Variants in FBXO27 observed in about 807,000 individuals in gnomAD.
The protein encoded by FBXO27 is F-box only protein 27.
FBXO27 carries 28 observed loss-of-function variants against 28.3 expected under a neutral mutation model. The observed-to-expected ratio is 0.99, with a 90% CI of 0.73 to 1.36. FBXO27 has a LOEUF of 1.36. Ranked by LOEUF, FBXO27 falls within the 40% of genes most tolerant of loss-of-function variation. FBXO27 has a pLI of 0.00. For synonymous variants in FBXO27, 175 were observed against 167.3 expected, an observed-to-expected ratio of 1.05 and a Z score of -0.36; for missense variants, 388 against 394.1, an observed-to-expected ratio of 0.98 and a Z score of 0.13.
chr19:39,028,308 T>C (rs548888519), intron 4 of FBXO27, among the ~76,000 whole-genome samples: 12 of 152,304 alleles, frequency 7.9e-5, no homozygotes, highest in Middle Eastern at 3.4e-3. Flanking sequence ...GAATGGTGCC[T>C]GGGCATTTTA....
chr19:39,030,869 A>G lies in FBXO27; in HGVS notation c.572+160T>C, dbSNP rs192649840. On this transcript the variant is annotated intron_variant, in intron 4 of 5. Coordinates refer to ENST00000292853, the MANE Select transcript of FBXO27 (RefSeq NM_178820.5). Reference sequence around the variant, plus strand: ...GTGATCTGCCTGCCTCGACCCCCCAAAGTGCTGGGATTATAGGTGTGAGCC... The same window carrying G: ...GTGATCTGCCTGCCTCGACCCCCCAGAGTGCTGGGATTATAGGTGTGAGCC... 763 of 691,226 alleles carry G rather than the reference A, an allele frequency of 1.1e-3. 3 individuals are homozygous for G. The highest frequency in any genetic ancestry group is 8.9e-3 in the Admixed American group (406 of 45,624). The allele number at this position is 691,226 out of a possible 1,614,324, so 42.8% of individuals were successfully genotyped here.
At chr19:39,009,101 C>T (rs1409572872) in intron 2 of FBXO27, among the ~76,000 whole-genome samples, 3 of 152,208 alleles carry the variant, frequency 2.0e-5, no homozygotes, top group Admixed American at 1.3e-4. Context: ...GGATTACAGG[C>T]GTGAGCCTCC....
At chr19:39,011,648 G>C (rs956851503) in intron 2 of FBXO27, among the ~76,000 whole-genome samples, 3 of 150,150 alleles carry the variant, frequency 2.0e-5, no homozygotes, top group Admixed American at 1.4e-4. Flanking sequence ...CTAGTGTATT[G>C]AAATACAACT....
intron 2 of FBXO27, among the ~76,000 whole-genome samples, chr19:39,011,827 C>CTTT (rs71167612): frequency 2.4e-5 from 3 of 123,770 alleles, no homozygotes; most frequent in Admixed American, 8.9e-5. Context: ...ATTTTCTTTT[C>CTTT]TTTTTTTTTT....
At chr19:39,007,788 A>G (rs1009944322) in intron 2 of FBXO27, among the ~76,000 whole-genome samples, 1 of 152,100 alleles carries the variant, frequency 6.6e-6, no homozygotes, top group Non-Finnish European at 1.5e-5. Context: ...GACTACGGGC[A>G]CATGCCACCA....
At chr19:39,026,082 A>C (rs953206976) in intron 5 of FBXO27, among the ~76,000 whole-genome samples, 9 of 152,286 alleles carry the variant, frequency 5.9e-5, no homozygotes, top group Admixed American at 1.3e-4. Flanking sequence ...CTTGTCACCA[A>C]GAATGTGGTG....
chr19:39,027,551 C>T (rs1439410145), intron 4 of FBXO27, among the ~76,000 whole-genome samples: 1 of 152,126 alleles, frequency 6.6e-6, no homozygotes, highest in East Asian at 1.9e-4. Context: ...GCTCTATGCC[C>T]TCCTTTTCTT....
At chr19:39,021,777 C>G (rs1164003990), downstream of FBXO27, among the ~76,000 whole-genome samples, 1 of 152,048 alleles carries the variant, frequency 6.6e-6, no homozygotes, top group Non-Finnish European at 1.5e-5. Flanking sequence ...ATTCTCCTGC[C>G]TCAGCCTCCC....
chr19:39,012,485 C>A (rs1432105590), intron 2 of FBXO27, among the ~76,000 whole-genome samples: 2 of 152,086 alleles, frequency 1.3e-5, no homozygotes, highest in African/African-American at 4.8e-5. Context: ...CGCCCAGCGT[C>A]ATTTTCAAAT....
chr19:39,025,576 A>G (rs2072868798), intron 5 of FBXO27, 22 bp from the exon 6 acceptor site: 1 of 1,603,282 alleles, frequency 6.2e-7, no homozygotes, highest in Non-Finnish European at 8.5e-7. Context: ...GGAGGGGCTC[A>G]GCTCCATTGT....
chr19:39,032,197 C>G lies in FBXO27; in HGVS notation c.31G>C (p.Ala11Pro). 1 of 1,478,514 alleles carries G rather than the reference C, an allele frequency of 6.8e-7. No individual in the cohort carries two copies. The highest frequency in any genetic ancestry group is 8.9e-7 in the Non-Finnish European group (1 of 1,119,538). The allele number at this position is 1,478,514 out of a possible 1,614,324, so 91.6% of individuals were successfully genotyped here. A position where few individuals can be genotyped will look rare whatever the true frequency, so the allele number is the denominator to read the frequency against. MGASVSRGRA[A>P]RVPAPEPEPE... Reference sequence around the variant, plus strand: ...TCCGGCTCCGGCGCGGGGACCCGGGCGGCCCGGCCCCTGGAGACCGAGGCG... The same window carrying G: ...TCCGGCTCCGGCGCGGGGACCCGGGGGGCCCGGCCCCTGGAGACCGAGGCG... Residue 11 changes from alanine (A) to proline (P), a missense_variant, in exon 2 of 6, where the codon GCC becomes CCC. Physicochemically the swap from Ala to Pro is conservative, Grantham distance 27. Transcript: ENST00000292853. This position sits in a 1 kb window ranked among gnomAD's most constrained non-coding sequence, Gnocchi z 4.7.
Position 39,032,229 on chromosome 19 carries a change from G to A in FBXO27, c.-2C>T, listed in dbSNP as rs2072910920. The A allele has an allele frequency of 2.8e-6, 4 of 1,434,658 alleles. No individual in the cohort carries two copies. Among genetic ancestry groups the A allele is most frequent in the Non-Finnish European group, 3.6e-6 (4 of 1,102,674 alleles). 88.9% of individuals were successfully genotyped at this position (1,434,658 alleles called of 1,614,324 possible). A position where few individuals can be genotyped will look rare whatever the true frequency, so the allele number is the denominator to read the frequency against. ...GCCCCTGGAGACCGAGGCGCCCATG[G>A]TCCCCCCGCCAGGCCCGGCTGTGGC... On this transcript the variant is annotated 5_prime_UTR_variant, in exon 2 of 6. Transcript: ENST00000292853. The surrounding 1 kb of genome is among the most constrained non-coding windows in gnomAD (Gnocchi z 4.7).
chr19:39,028,010 G>A (rs989896539), intron 4 of FBXO27, among the ~76,000 whole-genome samples: 1 of 151,906 alleles, frequency 6.6e-6, no homozygotes, highest in Non-Finnish European at 1.5e-5. Flanking sequence ...GGAGGCCGAG[G>A]TGGGTGGATC....
chr19:39,025,496 C>T lies in FBXO27; in HGVS notation c.767G>A (p.Arg256Gln), dbSNP rs766850878. 1.4e-5 allele frequency: 23 copies of T among 1,613,968 alleles called. No individual in the cohort carries two copies. Among genetic ancestry groups the T allele is most frequent in the South Asian group, 4.4e-5 (4 of 91,076 alleles). ...AGCCCAGAACTGTGTGTCCTGGCCC[C>T]GGTGTTCGAAAGACACAAAGCGGAC... ...MGVRFVSFEH[R>Q]GQDTQFWAGH... is the part of the protein sequence containing the mutation. The change falls in exon 6 of 6, where the codon CGG becomes CAG. Residue 256 changes from arginine (R) to glutamine (Q), a missense_variant. Transcript: ENST00000292853.
chr19:39,019,201 G>A (rs1178596173), downstream of FBXO27, among the ~76,000 whole-genome samples: 9 of 151,510 alleles, frequency 5.9e-5, no homozygotes, highest in East Asian at 1.7e-3. Context: ...AAGGTGGGCG[G>A]TCACGAGATC....
At chr19:39,028,007 G>A (rs1007941735) in intron 4 of FBXO27, among the ~76,000 whole-genome samples, 8 of 151,886 alleles carry the variant, frequency 5.3e-5, no homozygotes, top group African/African-American at 1.9e-4. Context: ...TTGGGAGGCC[G>A]AGGTGGGTGG....
downstream of FBXO27, among the ~76,000 whole-genome samples, chr19:39,021,339 C>T (rs1304198450): frequency 1.3e-5 from 2 of 152,082 alleles, no homozygotes; most frequent in Non-Finnish European, 2.9e-5. Context: ...TCCTGCCTCC[C>T]TCTCCACCTC....
Position 39,032,246 on chromosome 19 carries a change from G to T in FBXO27, c.-19C>A. On this transcript the variant is annotated 5_prime_UTR_variant, in exon 2 of 6. Coordinates refer to ENST00000292853, the MANE Select transcript of FBXO27 (RefSeq NM_178820.5). The surrounding 1 kb of genome is among the most constrained non-coding windows in gnomAD (Gnocchi z 4.7). Reference sequence around the variant, plus strand: ...CGCCCATGGTCCCCCCGCCAGGCCCGGCTGTGGCTGCGGGAGAGGAAGGGT... The same window carrying T: ...CGCCCATGGTCCCCCCGCCAGGCCCTGCTGTGGCTGCGGGAGAGGAAGGGT... 13 of 1,422,622 alleles carry T rather than the reference G, an allele frequency of 9.1e-6. No homozygotes were observed. The highest frequency in any genetic ancestry group is 1.2e-5 in the Non-Finnish European group (13 of 1,096,544). The allele number at this position is 1,422,622 out of a possible 1,614,324, so 88.1% of individuals were successfully genotyped here. A position where few individuals can be genotyped will look rare whatever the true frequency, so the allele number is the denominator to read the frequency against.
chr19:39,011,309 G>A (rs1194293623), intron 2 of FBXO27, among the ~76,000 whole-genome samples: 1 of 152,158 alleles, frequency 6.6e-6, no homozygotes, highest in East Asian at 1.9e-4. Context: ...TCACCCGCCT[G>A]TAATCCCAGC....
Sources: gnomAD v4.1 joint callset for allele counts (sites outside exome capture counted in the v4.1 genomes callset) on GRCh38, gnomAD v4.1.1 for gene constraint, Gnocchi (gnomAD v3.1) non-coding constraint, MANE v1.5 for transcripts, NCBI Gene and HGNC (gene_info 2026-07-23, HGNC 2026-07-21) for gene names.